Variants in MDGA2 observed in about 807,000 individuals in gnomAD.
The protein encoded by MDGA2 is MAM domain containing glycosylphosphatidylinositol anchor 2.
In MDGA2, 40 loss-of-function variants were observed where a neutral mutation model predicts 117.8. The observed-to-expected ratio is 0.34, with a 90% CI of 0.26 to 0.44. The LOEUF (loss-of-function observed/expected upper bound fraction) is 0.44. Ranked by LOEUF, MDGA2 falls within the 20% of genes least tolerant of loss-of-function variation. The pLI, the probability that MDGA2 is intolerant of heterozygous loss-of-function variation, is 1.00. For missense variants in MDGA2, 1,123 were observed against 1,250.6 expected (o/e 0.90, Z 1.54); for synonymous variants, 452 against 439.0 (o/e 1.03, Z -0.37).
chr14:47,527,182 T>C (rs1366432469), intron 1 of MDGA2, among the ~76,000 whole-genome samples: 1 of 152,260 alleles, frequency 6.6e-6, no homozygotes, highest in Non-Finnish European at 1.5e-5. Context: ...GAATAATCAC[T>C]ATTTCTGTTT....
At chr14:47,500,681 T>C (rs1335851382) in intron 1 of MDGA2, among the ~76,000 whole-genome samples, 1 of 152,034 alleles carries the variant, frequency 6.6e-6, no homozygotes, top group Non-Finnish European at 1.5e-5. Context: ...GAAATAATCA[T>C]GACTACAATT....
At position 47,323,149 on chromosome 14, in the gene MDGA2, GATATATATATATATATATATATAT is replaced by G. The variant is rs58765297; in HGVS notation, c.281-21623_281-21600del. ...AAGCCCCAGAGAAAAAAGAGTCATG[GATATATATATATATATATATATAT>G]ATATATATATATATATATATGGTAT... On this transcript the variant is annotated intron_variant, in intron 1 of 16. Transcript: ENST00000399232. Among the ~76,000 whole-genome samples, 901 of 107,648 alleles carry G rather than the reference GATATATATATATATATATATATAT, an allele frequency of 8.4e-3. 25 individuals carry two copies. The highest frequency in any genetic ancestry group is 0.016 in the South Asian group (49 of 3,066). The allele number at this position is 107,648 out of a possible 152,430, so 70.6% of individuals were successfully genotyped here.
intron 1 of MDGA2, among the ~76,000 whole-genome samples, chr14:47,630,353 ATATG>A (rs1026573072): frequency 2.0e-5 from 3 of 152,206 alleles, no homozygotes; most frequent in African/African-American, 7.2e-5. Flanking sequence ...ATTTGAGTAT[ATATG>A]TATGTAGTAT....
At position 46,977,029 on chromosome 14, in the gene MDGA2, C is replaced by T. The variant is rs540459126; in HGVS notation, c.1820-19386G>A. On this transcript the variant is annotated intron_variant, in intron 8 of 16. Coordinates refer to ENST00000399232, the MANE Select transcript of MDGA2 (RefSeq NM_001113498.3). ...AAGATTGTTTATCCAAATTATGTTACTAATGACATGGAGACCAAATTCTCA... is the reference window on the plus strand; with the variant it reads ...AAGATTGTTTATCCAAATTATGTTATTAATGACATGGAGACCAAATTCTCA... Among the ~76,000 whole-genome samples, 4 of 151,970 alleles carry T rather than the reference C, an allele frequency of 2.6e-5. No individual in the cohort carries two copies. In the East Asian group the frequency reaches 7.7e-4, roughly 29 times the overall value.
chr14:46,904,455 G>T (rs1441488899), intron 10 of MDGA2, among the ~76,000 whole-genome samples: 1 of 151,782 alleles, frequency 6.6e-6, no homozygotes, highest in Non-Finnish European at 1.5e-5. Flanking sequence ...AATAGCAGAA[G>T]TGCTAATTAG....
At chr14:46,907,106 A>G (rs1883528554) in intron 10 of MDGA2, among the ~76,000 whole-genome samples, 1 of 150,584 alleles carries the variant, frequency 6.6e-6, no homozygotes, top group Non-Finnish European at 1.5e-5. Context: ...CCTCCCAAGT[A>G]GCTGGGATTA....
Position 47,343,218 on chromosome 14 carries a change from T to C in MDGA2, c.281-41668A>G. 2.6e-6 allele frequency: 3 copies of C among 1,140,300 alleles called. 1 individual carries two copies. The South Asian group carries it at 5.4e-5, about 21-fold the overall frequency. 70.6% of individuals were successfully genotyped at this position (1,140,300 alleles called of 1,614,324 possible). ...TATTAAAAGGAATGGTGATTTTTTTTGTTTGTTTGTTTTTTTCAGGAACGA... is the reference window on the plus strand; with the variant it reads ...TATTAAAAGGAATGGTGATTTTTTTCGTTTGTTTGTTTTTTTCAGGAACGA... On this transcript the variant is annotated intron_variant, in intron 1 of 16. Transcript: ENST00000399232.
chr14:46,889,809 C>A (rs1270861648), intron 10 of MDGA2, among the ~76,000 whole-genome samples: 1 of 151,998 alleles, frequency 6.6e-6, no homozygotes, highest in Non-Finnish European at 1.5e-5. Context: ...GAGGGCTCCC[C>A]CAAGTGGGAC....
intron 1 of MDGA2, among the ~76,000 whole-genome samples, chr14:47,484,685 T>C (rs1894021566): frequency 6.6e-6 from 1 of 152,156 alleles, no homozygotes; most frequent in African/African-American, 2.4e-5. Flanking sequence ...CCAGATGTTG[T>C]GGGAGGGACC....
intron 8 of MDGA2, among the ~76,000 whole-genome samples, chr14:47,014,177 C>G (rs1466774061): frequency 6.6e-6 from 1 of 152,068 alleles, no homozygotes; most frequent in African/African-American, 2.4e-5. Flanking sequence ...TAAGTCTCAT[C>G]AGTGGGCTTA....
intron 2 of MDGA2, among the ~76,000 whole-genome samples, chr14:47,298,381 T>G (rs1272180993): frequency 6.6e-6 from 1 of 152,170 alleles, no homozygotes; most frequent in Non-Finnish European, 1.5e-5. Flanking sequence ...TTTACAATAC[T>G]TTTGGAAATA....
At chr14:47,211,532 C>T (rs1885883008) in intron 3 of MDGA2, among the ~76,000 whole-genome samples, 1 of 152,166 alleles carries the variant, frequency 6.6e-6, no homozygotes, top group Admixed American at 6.5e-5. Flanking sequence ...GGAAGCTCCC[C>T]ATCTTATAAA....
intron 3 of MDGA2, among the ~76,000 whole-genome samples, chr14:47,171,516 C>T (rs1884132716): frequency 6.6e-6 from 1 of 152,158 alleles, no homozygotes; most frequent in African/African-American, 2.4e-5. Context: ...TTATTCATTA[C>T]TGACAAATGA....
intron 15 of MDGA2, among the ~76,000 whole-genome samples, chr14:46,848,070 C>T (rs372747183): frequency 2.6e-5 from 4 of 151,990 alleles, no homozygotes; most frequent in African/African-American, 9.6e-5. Flanking sequence ...TTTGCATTCC[C>T]ATGGGCTTTA....
intron 6 of MDGA2, among the ~76,000 whole-genome samples, chr14:47,093,130 T>C (rs1332681924): frequency 1.3e-5 from 2 of 151,976 alleles, no homozygotes; most frequent in African/African-American, 4.8e-5. Context: ...AAAAGCCACC[T>C]GTGCTCCATC....
At chr14:47,461,935 C>T (rs1327338278) in intron 1 of MDGA2, among the ~76,000 whole-genome samples, 1 of 152,078 alleles carries the variant, frequency 6.6e-6, no homozygotes. Context: ...TCTGTAGGAT[C>T]CCTACATAAT....
chr14:47,246,564 G>A (rs1463530022), intron 2 of MDGA2, among the ~76,000 whole-genome samples: 1 of 151,572 alleles, frequency 6.6e-6, no homozygotes, highest in Non-Finnish European at 1.5e-5. Context: ...GACTCCTCAG[G>A]TTCATCCAGA....
intron 2 of MDGA2, among the ~76,000 whole-genome samples, chr14:47,284,724 T>C (rs745933879): frequency 9.2e-5 from 14 of 151,998 alleles, no homozygotes; most frequent in Non-Finnish European, 1.8e-4. Context: ...TATGAACTTG[T>C]AAAATGAATA....
chr14:47,206,026 G>A (rs1405895828), intron 3 of MDGA2, among the ~76,000 whole-genome samples: 4 of 151,988 alleles, frequency 2.6e-5, no homozygotes, highest in African/African-American at 9.7e-5. Flanking sequence ...TTGTTTTGCA[G>A]ATCTCAGTCT....
Sources: gnomAD v4.1 joint callset for allele counts (sites outside exome capture counted in the v4.1 genomes callset) on GRCh38, gnomAD v4.1.1 for gene constraint, MANE v1.5 for transcripts, NCBI Gene and HGNC (gene_info 2026-07-23, HGNC 2026-07-21) for gene names.